Variants in CHST11 observed in about 807,000 individuals in gnomAD.
The protein encoded by CHST11 is carbohydrate sulfotransferase 11.
Under a neutral mutation model 30.4 loss-of-function variants are expected in CHST11, and 9 were observed. That is an observed-to-expected ratio of 0.30 (90% CI 0.18 to 0.52). The LOEUF is 0.52. Ranked by LOEUF, CHST11 falls within the 20% of genes least tolerant of loss-of-function variation. The probability of loss-of-function intolerance (pLI) is 0.97; values close to 1 mark genes in which losing one functional copy is unlikely to be tolerated. For missense variants in CHST11, 348 were observed against 460.6 expected, an observed-to-expected ratio of 0.76 and a Z score of 2.24; for synonymous variants, 152 against 187.8, an observed-to-expected ratio of 0.81 and a Z score of 1.56.
rs190658118 is a variant in CHST11, at chr12:104,480,207, C to A, written c.118+22678C>A. Reference sequence around the variant, plus strand: ...TGAGTTGATAGTGTCCCCGCCCCCCCCTCCAAATTCATGTTCTTCCTGGAA... The same window carrying A: ...TGAGTTGATAGTGTCCCCGCCCCCCACTCCAAATTCATGTTCTTCCTGGAA... On this transcript the variant is annotated intron_variant, in intron 1 of 2. Transcript: ENST00000303694. Among the ~76,000 whole-genome samples, 59 of 152,194 alleles carry A rather than the reference C, an allele frequency of 3.9e-4. 1 individual carries two copies. In the East Asian group the frequency reaches 7.7e-3, roughly 20 times the overall value.
intron 2 of CHST11, among the ~76,000 whole-genome samples, chr12:104,754,985 C>T (rs2040462780): frequency 6.6e-6 from 1 of 152,208 alleles, no homozygotes; most frequent in Non-Finnish European, 1.5e-5. Context: ...TGGTGACCAT[C>T]ACCATCCTTT....
intron 1 of CHST11, among the ~76,000 whole-genome samples, chr12:104,585,747 G>A (rs565703637): frequency 6.6e-6 from 1 of 152,330 alleles, no homozygotes; most frequent in East Asian, 1.9e-4. Flanking sequence ...TGGTTCTAAA[G>A]GGAGACCAGA....
intron 1 of CHST11, among the ~76,000 whole-genome samples, chr12:104,502,231 G>T (rs2037859658): frequency 6.6e-6 from 1 of 151,940 alleles, no homozygotes; most frequent in Admixed American, 6.6e-5. Context: ...GGGTGTGGCG[G>T]GGCAGTGGTC....
intron 1 of CHST11, among the ~76,000 whole-genome samples, chr12:104,537,068 G>A (rs981381657): frequency 1.3e-5 from 2 of 152,176 alleles, no homozygotes; most frequent in Non-Finnish European, 2.9e-5. Flanking sequence ...CTGCCCTCTG[G>A]TTACACACCA....
chr12:104,719,354 G>A (rs933221686), intron 2 of CHST11, among the ~76,000 whole-genome samples: 1 of 152,190 alleles, frequency 6.6e-6, no homozygotes, highest in Non-Finnish European at 1.5e-5. Flanking sequence ...AGGAAATCAT[G>A]TTCTTTCCCA....
chr12:104,711,987 G>T (rs1396604358), intron 2 of CHST11, among the ~76,000 whole-genome samples: 2 of 152,174 alleles, frequency 1.3e-5, no homozygotes, highest in East Asian at 3.9e-4. Context: ...GGAGAGGAGT[G>T]TTCTGGGGGA....
chr12:104,722,878 G>A (rs539286359), intron 2 of CHST11, among the ~76,000 whole-genome samples: 11 of 152,258 alleles, frequency 7.2e-5, no homozygotes, highest in African/African-American at 2.6e-4. Flanking sequence ...ACGCTCATAA[G>A]TGTCACTTCC....
At chr12:104,578,770 TAGAG>T (rs2038710096) in intron 1 of CHST11, among the ~76,000 whole-genome samples, 1 of 152,136 alleles carries the variant, frequency 6.6e-6, no homozygotes, top group East Asian at 1.9e-4. Context: ...TAATTGGAGA[TAGAG>T]AGATAGGAAT....
chr12:104,680,649 A>G (rs1404727092), intron 2 of CHST11, among the ~76,000 whole-genome samples: 2 of 152,246 alleles, frequency 1.3e-5, no homozygotes, highest in Non-Finnish European at 2.9e-5. Context: ...TGTGGGAAGG[A>G]AATGCTGTGC....
At chr12:104,675,701 C>T (rs2039736177) in intron 2 of CHST11, among the ~76,000 whole-genome samples, 1 of 152,194 alleles carries the variant, frequency 6.6e-6, no homozygotes, top group African/African-American at 2.4e-5. Flanking sequence ...TTCCCTGTGC[C>T]TCAGTTTCCT....
At chr12:104,463,702 T>C (rs1164612874) in intron 1 of CHST11, among the ~76,000 whole-genome samples, 1 of 152,084 alleles carries the variant, frequency 6.6e-6, no homozygotes, top group Non-Finnish European at 1.5e-5. Flanking sequence ...AGGCAGGGGT[T>C]GCAATATAAT....
At position 104,637,359 on chromosome 12, in the gene CHST11, A is replaced by T. The variant is rs577867764; in HGVS notation, c.204+35368A>T. On this transcript the variant is annotated intron_variant, in intron 2 of 2. Transcript: ENST00000303694. ...AAGGGGGTTGGGGGAGGGGGGAGGG[A>T]TAGCATTAGGAGATATACCTAATGC... 1.8e-4 allele frequency among the ~76,000 whole-genome samples: 19 copies of T among 106,024 alleles called. 2 individuals carry two copies. The highest frequency in any genetic ancestry group is 1.4e-3 in the South Asian group (4 of 2,952). 69.6% of individuals were successfully genotyped at this position (106,024 alleles called of 152,430 possible).
intron 1 of CHST11, among the ~76,000 whole-genome samples, chr12:104,488,798 T>C (rs2037716633): frequency 6.6e-6 from 1 of 151,770 alleles, no homozygotes; most frequent in South Asian, 2.1e-4. Flanking sequence ...GCCTGTTTGG[T>C]TGTTCACCGT....
chr12:104,653,411 C>T (rs929874440), intron 2 of CHST11, among the ~76,000 whole-genome samples: 13 of 152,210 alleles, frequency 8.5e-5, no homozygotes, highest in Non-Finnish European at 1.6e-4. Flanking sequence ...ATTTGGCTTT[C>T]TTCCACCAGA....
intron 2 of CHST11, among the ~76,000 whole-genome samples, chr12:104,703,150 C>G (rs1040706127): frequency 3.3e-5 from 5 of 152,212 alleles, no homozygotes; most frequent in South Asian, 2.1e-4. Flanking sequence ...CTGCTGCATC[C>G]CCTGCACCTA....
intron 1 of CHST11, among the ~76,000 whole-genome samples, chr12:104,577,972 G>C (rs2038701782): frequency 6.6e-6 from 1 of 152,194 alleles, no homozygotes; most frequent in African/African-American, 2.4e-5. Flanking sequence ...GTTTATTTCT[G>C]TGGTTACCAT....
intron 2 of CHST11, among the ~76,000 whole-genome samples, chr12:104,610,879 A>T (rs1287981730): frequency 6.6e-6 from 1 of 152,234 alleles, no homozygotes; most frequent in Non-Finnish European, 1.5e-5. Context: ...GACCTTGTTT[A>T]TAAAACAGGA....
At chr12:104,484,264 G>C (rs2037655533) in intron 1 of CHST11, among the ~76,000 whole-genome samples, 1 of 152,120 alleles carries the variant, frequency 6.6e-6, no homozygotes, top group Non-Finnish European at 1.5e-5. Context: ...GGCATCCTTG[G>C]CTTGAGATCA....
At chr12:104,604,435 AC>A in intron 2 of CHST11, among the ~76,000 whole-genome samples, 1 of 152,232 alleles carries the variant, frequency 6.6e-6, no homozygotes, top group Admixed American at 6.5e-5. Flanking sequence ...GGTTTCCTTT[AC>A]AAGCTGCAAT....
Sources: gnomAD v4.1 joint callset for allele counts (sites outside exome capture counted in the v4.1 genomes callset) on GRCh38, gnomAD v4.1.1 for gene constraint, MANE v1.5 for transcripts, NCBI Gene and HGNC (gene_info 2026-07-23, HGNC 2026-07-21) for gene names.